DTNA: variants seen among roughly 807,000 people sequenced by gnomAD.
DTNA encodes dystrobrevin alpha.
Under a neutral mutation model 100.7 loss-of-function variants are expected in DTNA, and 43 were observed. The ratio of observed to expected loss-of-function variants is 0.43; its 90% CI spans 0.33 to 0.55. The LOEUF is 0.55. Ranked by LOEUF, DTNA falls within the 20% of genes least tolerant of loss-of-function variation. The pLI is 0.04. For synonymous variants in DTNA, 349 were observed against 347.9 expected, an observed-to-expected ratio of 1.00 and a Z score of -0.04; for missense variants, 798 against 953.9, an observed-to-expected ratio of 0.84 and a Z score of 2.15.
At chr18:34,592,453 A>G (rs2049831539) in intron 1 of DTNA, among the ~76,000 whole-genome samples, 1 of 140,642 alleles carries the variant, frequency 7.1e-6, no homozygotes, top group Non-Finnish European at 1.5e-5. Context: ...CTTCTTTTAG[A>G]TATACACTTG....
At chr18:34,821,035 AAAAAAG>A in intron 9 of DTNA, 120 bp downstream of exon 9, 1 of 1,466,994 alleles carries the variant, frequency 6.8e-7, no homozygotes, top group Non-Finnish European at 9.4e-7. Flanking sequence ...TAGTTTAAAA[AAAAAAG>A]TCAGAGTAAT....
chr18:34,752,392 G>A (rs1310602247), intron 1 of DTNA, among the ~76,000 whole-genome samples: 3 of 152,186 alleles, frequency 2.0e-5, no homozygotes, highest in South Asian at 2.1e-4. Context: ...ATGTAGTCAG[G>A]CATTGTGTGT....
At chr18:34,704,344 G>A (rs2081844469) in intron 1 of DTNA, among the ~76,000 whole-genome samples, 1 of 152,228 alleles carries the variant, frequency 6.6e-6, no homozygotes, top group African/African-American at 2.4e-5. Context: ...TATGCTTTTA[G>A]AGTACATCAG....
intron 5 of DTNA, among the ~76,000 whole-genome samples, chr18:34,807,961 G>T (rs2095406518): frequency 6.7e-6 from 1 of 149,266 alleles, no homozygotes; most frequent in African/African-American, 2.5e-5. Context: ...AATGAACCAA[G>T]GCTAAGGAAG....
At chr18:34,807,862 TTTTTTCA>T (rs1444554735) in intron 5 of DTNA, among the ~76,000 whole-genome samples, 2 of 149,000 alleles carry the variant, frequency 1.3e-5, no homozygotes, top group Admixed American at 1.3e-4. Context: ...TTTTCTTTTT[TTTTTTCA>T]AAAAAAAAGA....
Position 34,851,833 on chromosome 18 carries a change from G to GCCACCT in DTNA, c.1439_1444dup (p.Pro480_Pro481dup). The stretch of plus-strand genomic sequence containing the variant: ...CTTATAAACTACATATTTTACAGCA[G>GCCACCT]CCACCTCAGCAGAGAAGTGCTCCTG... On this transcript the variant is annotated inframe_insertion, in exon 15 of 23. Transcript: ENST00000444659. 1 of 1,613,906 alleles carries GCCACCT rather than the reference G, an allele frequency of 6.2e-7. No homozygotes were observed. Among genetic ancestry groups the GCCACCT allele is most frequent in the South Asian group, 1.1e-5 (1 of 91,076 alleles).
At chr18:34,764,420 G>A (rs1242037938) in intron 2 of DTNA, among the ~76,000 whole-genome samples, 1 of 152,128 alleles carries the variant, frequency 6.6e-6, no homozygotes. Flanking sequence ...ATCCTACGTG[G>A]CCATTGGCTA....
At chr18:34,681,227 A>G (rs1466946619) in intron 1 of DTNA, among the ~76,000 whole-genome samples, 1 of 152,090 alleles carries the variant, frequency 6.6e-6, no homozygotes, top group Non-Finnish European at 1.5e-5. Flanking sequence ...TACTTCATTA[A>G]TTTCTTCCAA....
chr18:34,534,610 ATT>A (rs1306756671), intron 1 of DTNA, among the ~76,000 whole-genome samples: 5 of 151,880 alleles, frequency 3.3e-5, no homozygotes, highest in Admixed American at 2.6e-4. Context: ...CCCCATATGC[ATT>A]TGGTATTTGT....
chr18:34,637,048 C>A (rs1369843119), intron 1 of DTNA, among the ~76,000 whole-genome samples: 3 of 152,028 alleles, frequency 2.0e-5, no homozygotes, highest in Non-Finnish European at 4.4e-5. Context: ...TTGCTTAATA[C>A]CCTCCAAAAA....
chr18:34,633,612 T>A (rs1049200879), intron 1 of DTNA, among the ~76,000 whole-genome samples: 1 of 152,034 alleles, frequency 6.6e-6, no homozygotes, highest in Non-Finnish European at 1.5e-5. Flanking sequence ...TACTAACAGG[T>A]CATACACTCA....
At chr18:34,582,426 C>A (rs146625760) in intron 1 of DTNA, among the ~76,000 whole-genome samples, 3 of 152,310 alleles carry the variant, frequency 2.0e-5, no homozygotes, top group African/African-American at 7.2e-5. Context: ...ACTGGTATTT[C>A]TTCTAACTCA....
chr18:34,515,943 A>T (rs1367512329), intron 1 of DTNA, among the ~76,000 whole-genome samples: 1 of 152,164 alleles, frequency 6.6e-6, no homozygotes, highest in Non-Finnish European at 1.5e-5. Flanking sequence ...GAAGCTAAAC[A>T]AACTGCTCAA....
chr18:34,546,877 T>C (rs2044842509), intron 1 of DTNA, among the ~76,000 whole-genome samples: 1 of 151,898 alleles, frequency 6.6e-6, no homozygotes, highest in Admixed American at 6.6e-5. Context: ...GCCTGGCTAA[T>C]TTTTGTACTT....
chr18:34,684,970 C>T (rs2078669424), intron 1 of DTNA, among the ~76,000 whole-genome samples: 1 of 152,198 alleles, frequency 6.6e-6, no homozygotes, highest in Admixed American at 6.5e-5. Context: ...CTGTTCATAT[C>T]ACTTGCCCAC....
intron 1 of DTNA, among the ~76,000 whole-genome samples, chr18:34,512,205 T>C (rs1448487897): frequency 6.6e-6 from 1 of 152,072 alleles, no homozygotes; most frequent in African/African-American, 2.4e-5. Flanking sequence ...ACAGCAATGT[T>C]AGATATCCCT....
rs778634462 is a variant in DTNA, at chr18:34,818,318, G to A, written c.864G>A (p.Glu288=). 1.1e-5 allele frequency: 18 copies of A among 1,613,758 alleles called. No individual in the cohort carries two copies. Among genetic ancestry groups the A allele is most frequent in the East Asian group, 2.2e-5 (1 of 44,892 alleles). The change falls in exon 8 of 23, where the codon GAG becomes GAA. Residue 288 remains glutamate (E), a synonymous_variant. Coordinates refer to ENST00000444659, the MANE Select transcript of DTNA (RefSeq NM_001386795.1). ...GSHSNQHQMK[E]YTSWKSPAKK... ...ATAGCAACCAGCACCAAATGAAAGA[G>A]TACACGTCATGGGTAAGGCAAGGTC... is the stretch of plus-strand genomic sequence containing the variant.
chr18:34,753,185 C>A (rs143165385), intron 1 of DTNA, among the ~76,000 whole-genome samples: 338 of 152,082 alleles, frequency 2.2e-3, no homozygotes, highest in African/African-American at 8.0e-3. Context: ...GCTCTCGAAA[C>A]CTTACAGAGA....
intron 1 of DTNA, chr18:34,494,081 C>G (rs1363732359): frequency 1.3e-5 from 2 of 151,616 alleles, no homozygotes; most frequent in Non-Finnish European, 2.9e-5. Context: ...GCTGCCGCGG[C>G]GCCGCTCGGG....
Sources: gnomAD v4.1 joint callset for allele counts (sites outside exome capture counted in the v4.1 genomes callset) on GRCh38, gnomAD v4.1.1 for gene constraint, MANE v1.5 for transcripts, NCBI Gene and HGNC (gene_info 2026-07-23, HGNC 2026-07-21) for gene names.